CFAP61: variants seen among roughly 807,000 people sequenced by gnomAD.
CFAP61 encodes the protein cilia and flagella associated protein 61.
A neutral mutation model predicts 135.6 loss-of-function variants in CFAP61; 107 were observed. The observed-to-expected ratio is 0.79, with a 90% CI of 0.67 to 0.93. The LOEUF (loss-of-function observed/expected upper bound fraction) is 0.93, where lower values mean the gene tolerates loss of function less well. Among genes scored for constraint, CFAP61 ranks in the 40% least tolerant of loss-of-function variants. The pLI is 0.00. For missense variants in CFAP61, 1,507 were observed against 1,556.2 expected (o/e 0.97, Z 0.53); for synonymous variants, 575 against 578.5 (o/e 0.99, Z 0.09).
intron 25 of CFAP61, among the ~76,000 whole-genome samples, chr20:20,327,460 G>GA (rs1271914706): frequency 2.6e-5 from 4 of 151,838 alleles, no homozygotes; most frequent in Admixed American, 2.0e-4. Context: ...TCTTCCCTCA[G>GA]AAAAATTAAA....
chr20:20,296,409 T>TC (rs2055600538), intron 24 of CFAP61, among the ~76,000 whole-genome samples: 1 of 120,254 alleles, frequency 8.3e-6, no homozygotes, highest in Non-Finnish European at 1.8e-5. Context: ...CTTCCTTCTT[T>TC]CTTTCTTTTC....
intron 8 of CFAP61, among the ~76,000 whole-genome samples, chr20:20,128,073 C>T (rs557321298): frequency 4.0e-5 from 6 of 151,778 alleles, no homozygotes; most frequent in South Asian, 2.1e-4. Flanking sequence ...ATGTGATGGG[C>T]GAGCTAGGCT....
At chr20:20,234,818 A>G (rs2049451972) in intron 18 of CFAP61, among the ~76,000 whole-genome samples, 1 of 152,118 alleles carries the variant, frequency 6.6e-6, no homozygotes, top group South Asian at 2.1e-4. Flanking sequence ...GAGAGGGCCC[A>G]GGAGAGTGAT....
chr20:20,253,273 A>G (rs2051148906), intron 20 of CFAP61: 1 of 123,604 alleles, frequency 8.1e-6, no homozygotes, highest in Non-Finnish European at 1.7e-5. Context: ...TCCTTCCTGT[A>G]CTTTTAATTC....
At chr20:20,226,883 T>C (rs1299809182) in intron 17 of CFAP61, among the ~76,000 whole-genome samples, 2 of 152,232 alleles carry the variant, frequency 1.3e-5, no homozygotes, top group Non-Finnish European at 2.9e-5. Context: ...TCTTCCGAAA[T>C]CTGTGTTGTG....
At chr20:20,220,133 G>A (rs2048304626) in intron 17 of CFAP61, 1 of 152,300 alleles carries the variant, frequency 6.6e-6, no homozygotes. Flanking sequence ...AGCCTCCGCG[G>A]AGAGGAGAGG....
chr20:20,172,424 C>T (rs2054293666), intron 13 of CFAP61: 1 of 287,568 alleles, frequency 3.5e-6, no homozygotes, highest in Non-Finnish European at 5.2e-6. Flanking sequence ...TCAGGTGATC[C>T]TCCCATCTCA....
At chr20:20,163,491 A>C (rs2053569057) in intron 10 of CFAP61, among the ~76,000 whole-genome samples, 1 of 152,160 alleles carries the variant, frequency 6.6e-6, no homozygotes, top group Admixed American at 6.5e-5. Flanking sequence ...ATCACGCTCT[A>C]ATCTCTACCC....
chr20:20,208,706 G>C (rs2056970071), intron 17 of CFAP61, among the ~76,000 whole-genome samples: 1 of 152,254 alleles, frequency 6.6e-6, no homozygotes, highest in South Asian at 2.1e-4. Context: ...CTCTAGCTTT[G>C]ACACTGAGTC....
chr20:20,091,023 G>T lies in CFAP61; in HGVS notation c.699+47G>T, dbSNP rs529916232. The T allele has an allele frequency of 1.9e-5, 30 of 1,604,604 alleles. No individual in the cohort carries two copies. The South Asian group carries it at 3.2e-4, about 17-fold the overall frequency. On this transcript the variant is annotated intron_variant, in intron 7 of 26. Coordinates refer to ENST00000245957, the MANE Select transcript of CFAP61 (RefSeq NM_015585.4). ...GAACACACTTAGTGAGAGGAAGGAGGGATGTGAGTGGTGTTGCTCTTGCGT... is the reference window on the plus strand; with the variant it reads ...GAACACACTTAGTGAGAGGAAGGAGTGATGTGAGTGGTGTTGCTCTTGCGT...
intron 8 of CFAP61, among the ~76,000 whole-genome samples, chr20:20,123,971 G>GTTTTTTTTT (rs35528584): frequency 6.1e-5 from 4 of 65,268 alleles, no homozygotes; most frequent in African/African-American, 6.0e-5. Flanking sequence ...ATATTCCTAA[G>GTTTTTTTTT]TTTTTTTTTT....
At position 20,191,407 on chromosome 20, in the gene CFAP61, C is replaced by A; in HGVS notation, c.1578C>A (p.Ile526=). ...AACAAATAGTTGGTATTGCAGTGAT[C>A]AGAAATGAAATGGTAAATTGTGAAG... The part of the protein sequence containing the change: ...VAEQIVGIAV[I]RNEMDIEYIR... The change falls in exon 15 of 27, where the codon ATC becomes ATA. Residue 526 remains isoleucine, a synonymous_variant. Transcript: ENST00000245957. The A allele has an allele frequency of 6.2e-7, 1 of 1,607,926 alleles. No individual in the cohort carries two copies. Among genetic ancestry groups the A allele is most frequent in the South Asian group, 1.1e-5 (1 of 90,412 alleles).
At chr20:20,232,800 T>C (rs1299793622) in intron 18 of CFAP61, 1 of 152,276 alleles carries the variant, frequency 6.6e-6, no homozygotes, top group East Asian at 1.9e-4. Context: ...AAATGCTTAC[T>C]GGAGTCATGG....
intron 18 of CFAP61, among the ~76,000 whole-genome samples, chr20:20,229,110 A>G (rs1169298585): frequency 6.6e-6 from 1 of 152,134 alleles, no homozygotes; most frequent in Non-Finnish European, 1.5e-5. Flanking sequence ...TCCCCCTCAA[A>G]GCACTAAACA....
chr20:20,182,676 A>G (rs1354219839), intron 13 of CFAP61, among the ~76,000 whole-genome samples: 3 of 151,114 alleles, frequency 2.0e-5, no homozygotes, highest in African/African-American at 7.3e-5. Context: ...TTTATTTCTT[A>G]CATTTATTCA....
intron 9 of CFAP61, among the ~76,000 whole-genome samples, chr20:20,147,902 T>A (rs2052037091): frequency 6.6e-6 from 1 of 152,234 alleles, no homozygotes. Context: ...TTTAAGTCTT[T>A]AATCCATATT....
In CFAP61 at chr20:20,116,028, A is replaced by G. The variant is rs564561760; in HGVS notation, c.859+17214A>G. 3.9e-5 allele frequency among the ~76,000 whole-genome samples: 6 copies of G among 152,322 alleles called. No homozygotes were observed. The East Asian group carries it at 9.6e-4, about 24-fold the overall frequency. ...TTGAGGAAACTCCATATAGTTTTCCATAGTGATTGTACTAATTTACATTCC... is the reference window on the plus strand; with the variant it reads ...TTGAGGAAACTCCATATAGTTTTCCGTAGTGATTGTACTAATTTACATTCC... On this transcript the variant is annotated intron_variant, in intron 8 of 26. Coordinates refer to ENST00000245957, the MANE Select transcript of CFAP61 (RefSeq NM_015585.4).
intron 8 of CFAP61, among the ~76,000 whole-genome samples, chr20:20,138,578 T>A (rs1028746841): frequency 1.3e-5 from 2 of 152,230 alleles, no homozygotes; most frequent in Non-Finnish European, 2.9e-5. Context: ...GCCAGGGGAA[T>A]GGGGAAAGGT....
Position 20,177,260 on chromosome 20 carries a change from A to G in CFAP61, c.1385+7800A>G, listed in dbSNP as rs531427361. On this transcript the variant is annotated intron_variant, in intron 13 of 26. Transcript: ENST00000245957. ...TTTCCACCTGTGGTTTTCTAAAACC[A>G]TTTTTTGCATTTCAAAATTTAGGTT... Among the ~76,000 whole-genome samples the G allele has an allele frequency of 7.2e-4, 109 of 151,986 alleles. 1 individual carries two copies. The highest frequency in any genetic ancestry group is 2.5e-3 in the African/African-American group (103 of 41,434).
Sources: gnomAD v4.1 joint callset for allele counts (sites outside exome capture counted in the v4.1 genomes callset) on GRCh38, gnomAD v4.1.1 for gene constraint, MANE v1.5 for transcripts, NCBI Gene and HGNC (gene_info 2026-07-23, HGNC 2026-07-21) for gene names.